The following CEP170 variants were observed in gnomAD, a reference collection of about 807,000 sequenced individuals.
CEP170 encodes centrosomal protein 170, also known as centrosomal protein of 170 kDa.
Under a neutral mutation model 151.9 loss-of-function variants are expected in CEP170, and 21 were observed. That is an observed-to-expected ratio of 0.14 (90% CI 0.10 to 0.20). The LOEUF is 0.20. CEP170 is among the 10% of genes least tolerant of loss of function. CEP170 has a pLI of 1.00. For missense variants in CEP170, 964 were observed against 1,892.9 expected (o/e 0.51, Z 9.11); for synonymous variants, 356 against 648.8 (o/e 0.55, Z 6.86).
chr1:243,196,739 T>C (rs2060676245), intron 7 of CEP170, among the ~76,000 whole-genome samples: 1 of 152,156 alleles, frequency 6.6e-6, no homozygotes, highest in Non-Finnish European at 1.5e-5. Context: ...ACAGTGATAG[T>C]ATATTATGCG....
In CEP170 at chr1:243,185,811, C is replaced by T. The variant is rs746348240; in HGVS notation, c.1534G>A (p.Glu512Lys). ...YTIELENPNS[E>K]EVEARKMIDK... ...ATCATTTTTCTTGCTTCCACTTCCTCACTGTTGGGATTCTCTAACTCAATG... is the reference window on the plus strand; with the variant it reads ...ATCATTTTTCTTGCTTCCACTTCCTTACTGTTGGGATTCTCTAACTCAATG... Residue 512 changes from glutamate to lysine, a missense_variant, in exon 10 of 20, where the codon GAG (glutamate) becomes AAG (lysine). By Grantham distance (56) the Glu-to-Lys change is moderately conservative (BLOSUM62 1). Coordinates refer to ENST00000366542, the MANE Select transcript of CEP170 (RefSeq NM_014812.3). This position sits in a 1 kb window ranked among gnomAD's most constrained non-coding sequence, Gnocchi z 4.9. The T allele has an allele frequency of 4.4e-6, 7 of 1,595,424 alleles. No homozygotes were observed. The Admixed American group carries it at 5.3e-5, about 12-fold the overall frequency.
At chr1:243,195,502 A>G (rs188791307) in intron 7 of CEP170, among the ~76,000 whole-genome samples, 64 of 152,102 alleles carry the variant, frequency 4.2e-4, no homozygotes, top group Non-Finnish European at 7.7e-4. Flanking sequence ...CTGGATATAT[A>G]TGAACCCACA....
Position 243,192,039 on chromosome 1 carries a change from C to T in CEP170, c.632-545G>A, listed in dbSNP as rs193280431. On this transcript the variant is annotated intron_variant, in intron 7 of 19. Coordinates refer to ENST00000366542, the MANE Select transcript of CEP170 (RefSeq NM_014812.3). ...TAATGATTCCACTTACCATTCTTCA[C>T]CATTACATTCGGAAACATTACTTTC... is the stretch of plus-strand genomic sequence containing the variant. 7.9e-5 allele frequency among the ~76,000 whole-genome samples: 12 copies of T among 152,282 alleles called. No individual in the cohort carries two copies. In the East Asian group the frequency reaches 2.3e-3, roughly 29 times the overall value.
chr1:243,200,049 A>G (rs1314478074), intron 6 of CEP170, among the ~76,000 whole-genome samples: 1 of 152,078 alleles, frequency 6.6e-6, no homozygotes, highest in Non-Finnish European at 1.5e-5. Flanking sequence ...ACTACATTCC[A>G]AAATGCAAGA....
intron 4 of CEP170, among the ~76,000 whole-genome samples, chr1:243,202,354 T>C (rs1424637719): frequency 1.3e-5 from 2 of 152,094 alleles, no homozygotes; most frequent in African/African-American, 4.8e-5. Context: ...TGAGGTACAG[T>C]GTATACTACT....
intron 13 of CEP170, 83 bp downstream of exon 13, chr1:243,164,201 A>T: frequency 7.7e-7 from 1 of 1,303,940 alleles, no homozygotes. Context: ...GACAACTAGA[A>T]CCTTACTTTT....
At chr1:243,215,761 C>T (rs1400476493) in intron 3 of CEP170, among the ~76,000 whole-genome samples, 2 of 152,096 alleles carry the variant, frequency 1.3e-5, no homozygotes, top group Middle Eastern at 3.2e-3. Context: ...AGCATGTCAT[C>T]TCTGTGACCC....
chr1:243,252,845 A>T (rs560583946), intron 1 of CEP170, among the ~76,000 whole-genome samples: 4 of 152,286 alleles, frequency 2.6e-5, no homozygotes, highest in African/African-American at 9.6e-5. Flanking sequence ...TAAAATTATA[A>T]GGGAAGAAAA....
At chr1:243,253,116 C>T (rs1047681611) in intron 1 of CEP170, 11 of 152,094 alleles carry the variant, frequency 7.2e-5, no homozygotes, top group Non-Finnish European at 1.6e-4. Context: ...AAGTAGCTAC[C>T]ATTAGGTAGT....
chr1:243,187,457 A>T (rs2060007675), intron 8 of CEP170, among the ~76,000 whole-genome samples: 1 of 152,228 alleles, frequency 6.6e-6, no homozygotes, highest in South Asian at 2.1e-4. Flanking sequence ...CATGTTTTAA[A>T]TGGAATCACA....
intron 17 of CEP170, among the ~76,000 whole-genome samples, chr1:243,132,566 C>A (rs2054546715): frequency 6.6e-6 from 1 of 152,150 alleles, no homozygotes; most frequent in South Asian, 2.1e-4. Flanking sequence ...TTATGTATAA[C>A]TTTATTGAGG....
chr1:243,210,104 C>T (rs2061682944), intron 4 of CEP170, among the ~76,000 whole-genome samples: 1 of 152,216 alleles, frequency 6.6e-6, no homozygotes, highest in South Asian at 2.1e-4. Context: ...TGGGACAAAA[C>T]ATCCGTCCCA....
intron 14 of CEP170, among the ~76,000 whole-genome samples, chr1:243,150,002 A>G (rs559584280): frequency 6.6e-6 from 1 of 152,156 alleles, no homozygotes; most frequent in African/African-American, 2.4e-5. Context: ...AATGTTTTCA[A>G]ATATATTTGA....
chr1:243,237,412 G>A (rs1021379254), intron 1 of CEP170, among the ~76,000 whole-genome samples: 4 of 152,086 alleles, frequency 2.6e-5, no homozygotes, highest in Non-Finnish European at 5.9e-5. Context: ...TATATGGCTA[G>A]TGGCACTCTA....
intron 3 of CEP170, among the ~76,000 whole-genome samples, chr1:243,212,782 G>C (rs1462332866): frequency 6.6e-6 from 1 of 151,950 alleles, no homozygotes; most frequent in East Asian, 1.9e-4. Context: ...TCCTACCTCA[G>C]CCTCCTGAGT....
chr1:243,164,559 G>A lies in CEP170; in HGVS notation c.3401C>T (p.Thr1134Ile), dbSNP rs1455877936. The A allele has an allele frequency of 1.2e-6, 2 of 1,613,444 alleles. No homozygotes were observed. The highest frequency in any genetic ancestry group is 2.2e-5 in the East Asian group (1 of 44,884). Residue 1134 changes from threonine (T) to isoleucine (I), a missense_variant, in exon 13 of 20, where the codon ACA becomes ATA. Coordinates refer to ENST00000366542, the MANE Select transcript of CEP170 (RefSeq NM_014812.3). ...VASEVSTTSSTSKPPTGRRNI... is the reference protein window; with the variant it reads ...VASEVSTTSSISKPPTGRRNI... ...ACGCCTTCCTGTGGGAGGTTTTGAT[G>A]TAGAACTTGTTGTGGATACTTCAGA...
At chr1:243,129,681 C>A (rs1230555821) in intron 17 of CEP170, among the ~76,000 whole-genome samples, 4 of 152,002 alleles carry the variant, frequency 2.6e-5, no homozygotes, top group Admixed American at 2.6e-4. Context: ...TACTGTTTAT[C>A]TTATTCTTTA....
chr1:243,167,879 C>T (rs1185478804), intron 12 of CEP170, among the ~76,000 whole-genome samples: 1 of 151,760 alleles, frequency 6.6e-6, no homozygotes, highest in East Asian at 1.9e-4. Context: ...TCTCATACTG[C>T]CCCCTCCTCA....
At chr1:243,178,649 T>C (rs1218486125) in intron 10 of CEP170, among the ~76,000 whole-genome samples, 1 of 152,100 alleles carries the variant, frequency 6.6e-6, no homozygotes, top group East Asian at 1.9e-4. Flanking sequence ...ATACTTTAAA[T>C]GGCTAAAATA....
Sources: gnomAD v4.1 joint callset for allele counts (sites outside exome capture counted in the v4.1 genomes callset) on GRCh38, gnomAD v4.1.1 for gene constraint, Gnocchi (gnomAD v3.1) non-coding constraint, MANE v1.5 for transcripts, NCBI Gene and HGNC (gene_info 2026-07-23, HGNC 2026-07-21) for gene names.